CHCHD10: variants seen among roughly 807,000 people sequenced by gnomAD.
CHCHD10 encodes the protein coiled-coil-helix-coiled-coil-helix domain-containing protein 10, mitochondrial.
A neutral mutation model predicts 14.8 loss-of-function variants in CHCHD10; 10 were observed. The ratio of observed to expected loss-of-function variants is 0.67; its 90% CI spans 0.42 to 1.14. The LOEUF (loss-of-function observed/expected upper bound fraction) is 1.14, where lower values mean the gene tolerates loss of function less well. Ranked by LOEUF, CHCHD10 falls within the 50% of genes most tolerant of loss-of-function variation. CHCHD10 has a pLI of 0.00. For synonymous variants in CHCHD10, 90 were observed against 85.2 expected (o/e 1.06, Z -0.31); for missense variants, 203 against 196.9 (o/e 1.03, Z -0.19).
At position 23,767,587 on chromosome 22, in the gene CHCHD10, T is replaced by G. The variant is rs179468; in HGVS notation, c.48A>C (p.Pro16=). 1,016,425 of 1,138,796 alleles carry G rather than the reference T, an allele frequency of 0.89. 455,035 individuals are homozygous for G. The highest frequency in any genetic ancestry group is 0.97 in the African/African-American group (59,411 of 61,264). The allele number at this position is 1,138,796 out of a possible 1,614,324, so 70.5% of individuals were successfully genotyped here. The change falls in exon 2 of 4, where the codon CCA becomes CCC. Residue 16 remains proline (P), a synonymous_variant. Coordinates refer to ENST00000484558, the MANE Select transcript of CHCHD10 (RefSeq NM_213720.3). ...RSAASRPASR[P]AAPSAHPPAH... The stretch of plus-strand genomic sequence containing the variant: ...CGGGCGGGTGGGCAGAGGGCGCGGC[T>G]GGGCGGCTGCGGGGGTGGGAGGAAG...
rs1028506132 is a variant in CHCHD10 at position 23,767,412 on chromosome 22, C to A, written c.223G>T (p.Gly75Trp). ...MGSALTGAFS[G>W]GSSEPSQPAV... ...GGCTGGGAGGGCTCCGAGCTCCCCC[C>A]GCTGAAGGCTCCGGTCAGGGCGCTG... The change falls in exon 2 of 4, where the codon GGG becomes TGG. Residue 75 changes from glycine (G) to tryptophan (W), a missense_variant. Coordinates refer to ENST00000484558, the MANE Select transcript of CHCHD10 (RefSeq NM_213720.3). 2 of 1,608,120 alleles carry A rather than the reference C, an allele frequency of 1.2e-6. No homozygotes were observed. Among genetic ancestry groups the A allele is most frequent in the East Asian group, 2.2e-5 (1 of 44,746 alleles).
At chr22:23,766,546 G>A (rs535397365) in intron 2 of CHCHD10, 112 of 389,288 alleles carry the variant, frequency 2.9e-4, no homozygotes, top group African/African-American at 2.2e-3. Flanking sequence ...TCCGCCTCCC[G>A]GGTTCAAGTG....
chr22:23,767,502 T>G lies in CHCHD10; in HGVS notation c.133A>C (p.Met45Leu), dbSNP rs551286243. 6.5e-7 allele frequency: 1 copy of G among 1,550,364 alleles called. No homozygotes were observed. Among genetic ancestry groups the G allele is most frequent in the South Asian group, 1.2e-5 (1 of 85,420 alleles). The change falls in exon 2 of 4, where the codon ATG becomes CTG. Residue 45 changes from methionine to leucine, a missense_variant. Met to Leu is a conservative substitution (Grantham distance 15, BLOSUM62 2). Transcript: ENST00000484558. Reference protein sequence around the residue: ...APAPSGQPGLMAQMATTAAGV... With the variant: ...APAPSGQPGLLAQMATTAAGV... ...GCGGCCGTGGTCGCCATCTGAGCCA[T>G]GAGCCCCGGCTGGCCCGAAGGGGCG...
rs753848957 is a variant in CHCHD10, at chr22:23,767,880, C to A, written c.-6G>T. ...CTGCGGCTTCCCCGAGGCATGGTGGCGGCGGTGGGACCCGGGCGACCTTAG... is the reference window on the plus strand; with the variant it reads ...CTGCGGCTTCCCCGAGGCATGGTGGAGGCGGTGGGACCCGGGCGACCTTAG... On this transcript the variant is annotated 5_prime_UTR_variant, in exon 1 of 4. Transcript: ENST00000484558. 32 of 1,507,194 alleles carry A rather than the reference C, an allele frequency of 2.1e-5. No individual in the cohort carries two copies. The highest frequency in any genetic ancestry group is 2.8e-5 in the Non-Finnish European group (31 of 1,125,216). 93.4% of individuals were successfully genotyped at this position (1,507,194 alleles called of 1,614,324 possible).
chr22:23,767,606 G>T lies in CHCHD10; in HGVS notation c.42-13C>A. On this transcript the variant is annotated splice_polypyrimidine_tract_variant and intron_variant, in intron 1 of 3. Transcript: ENST00000484558. ...CGCGGCTGGGCGGCTGCGGGGGTGG[G>T]AGGAAGCAGGGTTAATCCTGGCCAG... The T allele has an allele frequency of 2.9e-6, 3 of 1,037,430 alleles. No individual in the cohort carries two copies. The highest frequency in any genetic ancestry group is 3.9e-6 in the Non-Finnish European group (3 of 770,576). 64.3% of individuals were successfully genotyped at this position (1,037,430 alleles called of 1,614,324 possible). A position where few individuals can be genotyped will look rare whatever the true frequency, so the allele number is the denominator to read the frequency against.
At chr22:23,767,301 C>T (rs80167838) in intron 2 of CHCHD10, 73 bp downstream of exon 2, 22,635 of 1,303,550 alleles carry the variant, frequency 0.017, 258 homozygotes, top group Middle Eastern at 0.033. Flanking sequence ...ACACTCCTCA[C>T]TGGACACTTG....
chr22:23,766,781 G>A (rs540691442), intron 2 of CHCHD10, among the ~76,000 whole-genome samples: 7 of 152,156 alleles, frequency 4.6e-5, no homozygotes, highest in Non-Finnish European at 8.8e-5. Flanking sequence ...CACTTTGGGC[G>A]GGTGCAGGAG....
rs1926723271 is a variant in CHCHD10 at position 23,765,871 on chromosome 22, C to A, written c.*136G>T. The A allele has an allele frequency of 6.5e-7, 1 of 1,548,536 alleles. No homozygotes were observed. On this transcript the variant is annotated 3_prime_UTR_variant, in exon 4 of 4. Coordinates refer to ENST00000484558, the MANE Select transcript of CHCHD10 (RefSeq NM_213720.3). The stretch of plus-strand genomic sequence containing the variant: ...TAAACTTTTAATTGCACATTTGTGT[C>A]TTGGGTTATCTGTGGGGTGAGAAAC...
intron 1 of CHCHD10, 105 bp downstream of exon 1, chr22:23,767,729 C>A (rs1033231706): frequency 2.7e-6 from 3 of 1,115,136 alleles, no homozygotes; most frequent in Middle Eastern, 2.2e-4. Flanking sequence ...CCCCTCCCCC[C>A]GCCAAGATGG....
Position 23,767,394 on chromosome 22 carries a change from A to G in CHCHD10, c.241T>C (p.Ser81Pro). Residue 81 changes from serine (S) to proline (P), a missense_variant, in exon 2 of 4, where the codon TCC (serine) becomes CCC (proline). Ser to Pro is a moderately conservative substitution (Grantham distance 74). Coordinates refer to ENST00000484558, the MANE Select transcript of CHCHD10 (RefSeq NM_213720.3). ...CTCACCTGCTGGACAGCAGGCTGGG[A>G]GGGCTCCGAGCTCCCCCCGCTGAAG... ...GAFSGGSSEP[S>P]QPAVQQAPTP... 6.2e-7 allele frequency: 1 copy of G among 1,608,550 alleles called. No homozygotes were observed. The highest frequency in any genetic ancestry group is 8.5e-7 in the Non-Finnish European group (1 of 1,179,032).
rs748846911 is a variant in CHCHD10 at position 23,765,966 on chromosome 22, A to G, written c.*41T>C. 1.9e-6 allele frequency: 3 copies of G among 1,612,744 alleles called. No homozygotes were observed. In the African/African-American group the frequency reaches 4.0e-5, roughly 22 times the overall value. ...TGGTCTGGCTGTCGGCGAGGGGTAG[A>G]GGTGGGTGCAGGACTGGCCCCCGAG... On this transcript the variant is annotated 3_prime_UTR_variant, in exon 4 of 4. Coordinates refer to ENST00000484558, the MANE Select transcript of CHCHD10 (RefSeq NM_213720.3).
At chr22:23,766,315 G>A in intron 2 of CHCHD10, 40 bp from the exon 3 acceptor site, 5 of 1,520,898 alleles carry the variant, frequency 3.3e-6, no homozygotes, top group Non-Finnish European at 4.4e-6. Flanking sequence ...TCAGCTTGGA[G>A]TTGGCACCTG....
rs1926990501 is a variant in CHCHD10, at chr22:23,767,838, C to T, written c.37G>A (p.Ala13Thr). The T allele has an allele frequency of 2.6e-6, 4 of 1,529,548 alleles. No homozygotes were observed. The highest frequency in any genetic ancestry group is 2.1e-5 in the Admixed American group (1 of 48,160). The allele number at this position is 1,529,548 out of a possible 1,614,324, so 94.7% of individuals were successfully genotyped here. Residue 13 changes from alanine (A) to threonine (T), a missense_variant, in exon 1 of 4, where the codon GCC becomes ACC. Ala to Thr is a moderately conservative substitution (Grantham distance 58, BLOSUM62 0). Coordinates refer to ENST00000484558, the MANE Select transcript of CHCHD10 (RefSeq NM_213720.3). Reference sequence around the variant, plus strand: ...GGGCCCTTGTCCCCCTCACACCTGGCTGGCCGGGAGGCCGCGCTGCGGCTT... The same window carrying T: ...GGGCCCTTGTCCCCCTCACACCTGGTTGGCCGGGAGGCCGCGCTGCGGCTT... The part of the protein sequence containing the change: ...RGSRSAASRP[A>T]SRPAAPSAHP...
At chr22:23,766,397 G>T (rs1328805851) in intron 2 of CHCHD10, 122 bp from the exon 3 acceptor site, 2 of 811,410 alleles carry the variant, frequency 2.5e-6, no homozygotes, top group African/African-American at 1.7e-5. Context: ...AGGGTCCTAG[G>T]CAGGCTGAGT....
chr22:23,766,435 A>G, intron 2 of CHCHD10, 160 bp from the exon 3 acceptor site: 1 of 594,820 alleles, frequency 1.7e-6, no homozygotes, highest in African/African-American at 1.9e-5. Context: ...GGCTACAGAC[A>G]GCATGTTTCT....
chr22:23,767,847 A>G lies in CHCHD10; in HGVS notation c.28T>C (p.Ser10Pro). 6.6e-7 allele frequency: 1 copy of G among 1,518,418 alleles called. No individual in the cohort carries two copies. The highest frequency in any genetic ancestry group is 1.4e-5 in the African/African-American group (1 of 69,108). 94.1% of individuals were successfully genotyped at this position (1,518,418 alleles called of 1,614,324 possible). The change falls in exon 1 of 4, where the codon TCC (serine) becomes CCC (proline). Residue 10 changes from serine to proline, a missense_variant. Physicochemically the swap from Ser to Pro is moderately conservative, Grantham distance 74 (BLOSUM62 -1). Transcript: ENST00000484558. ...TCCCCCTCACACCTGGCTGGCCGGGAGGCCGCGCTGCGGCTTCCCCGAGGC... is the reference window on the plus strand; with the variant it reads ...TCCCCCTCACACCTGGCTGGCCGGGGGGCCGCGCTGCGGCTTCCCCGAGGC... MPRGSRSAA[S>P]RPASRPAAPS...
chr22:23,767,686 C>G (rs1453421759), intron 1 of CHCHD10, 93 bp from the exon 2 acceptor site: 1 of 848,944 alleles, frequency 1.2e-6, no homozygotes, highest in Non-Finnish European at 1.8e-6. Flanking sequence ...AGATGGACGA[C>G]CCACGTCTCC....
Position 23,767,939 on chromosome 22 carries a change from T to C in CHCHD10, c.-65A>G. Reference sequence around the variant, plus strand: ...GCAGCGGTGCTGTCGCGGGGACAAATGCCGCAGCGCTTGTCACAGCCGGCG... The same window carrying C: ...GCAGCGGTGCTGTCGCGGGGACAAACGCCGCAGCGCTTGTCACAGCCGGCG... On this transcript the variant is annotated 5_prime_UTR_variant, in exon 1 of 4. Coordinates refer to ENST00000484558, the MANE Select transcript of CHCHD10 (RefSeq NM_213720.3). The C allele has an allele frequency of 1.5e-6, 2 of 1,322,174 alleles. No individual in the cohort carries two copies. The highest frequency in any genetic ancestry group is 2.0e-6 in the Non-Finnish European group (2 of 1,000,984). 81.9% of individuals were successfully genotyped at this position (1,322,174 alleles called of 1,614,324 possible).
intron 2 of CHCHD10, among the ~76,000 whole-genome samples, chr22:23,766,749 G>T (rs543441888): frequency 6.6e-6 from 1 of 152,326 alleles, no homozygotes; most frequent in South Asian, 2.1e-4. Flanking sequence ...ACTGCGCCTG[G>T]CCTCTGCTGC....
Sources: gnomAD v4.1 joint callset for allele counts (sites outside exome capture counted in the v4.1 genomes callset) on GRCh38, gnomAD v4.1.1 for gene constraint, MANE v1.5 for transcripts, NCBI Gene and HGNC (gene_info 2026-07-23, HGNC 2026-07-21) for gene names.